KIF1B: variants seen among roughly 807,000 people sequenced by gnomAD.
The protein encoded by KIF1B is kinesin-like protein KIF1B.
KIF1B carries 76 observed loss-of-function variants against 241.9 expected under a neutral mutation model. That is an observed-to-expected ratio of 0.31 (90% confidence interval 0.26 to 0.38). The LOEUF is 0.38. Among genes scored for constraint, KIF1B ranks in the 10% least tolerant of loss-of-function variants. The pLI is 1.00. For synonymous variants in KIF1B, 750 were observed against 796.7 expected, an observed-to-expected ratio of 0.94 and a Z score of 0.99; for missense variants, 1,622 against 2,271.4, an observed-to-expected ratio of 0.71 and a Z score of 5.81.
intron 27 of KIF1B, among the ~76,000 whole-genome samples, chr1:10,332,884 T>C (rs991111725): frequency 1.3e-5 from 2 of 149,988 alleles, no homozygotes; most frequent in African/African-American, 4.9e-5. Context: ...CAATTTTGGC[T>C]CACCACAACC....
intron 15 of KIF1B, among the ~76,000 whole-genome samples, chr1:10,287,669 T>G (rs187122696): frequency 1.4e-4 from 21 of 152,324 alleles, no homozygotes; most frequent in Admixed American, 1.4e-3. Context: ...TGATTTACCC[T>G]TCAGTTGGTA....
intron 15 of KIF1B, among the ~76,000 whole-genome samples, chr1:10,282,972 C>T (rs1261899863): frequency 2.6e-5 from 4 of 151,860 alleles, no homozygotes; most frequent in South Asian, 2.1e-4. Flanking sequence ...TTTGGGAGGC[C>T]GAGGCGGGGT....
chr1:10,337,423 T>G lies in KIF1B; in HGVS notation c.3312T>G (p.Ser1104=). The change falls in exon 31 of 49, where the codon TCT becomes TCG. Residue 1104 remains serine, a synonymous_variant. Coordinates refer to ENST00000676179, the MANE Select transcript of KIF1B (RefSeq NM_001365951.3). The surrounding 1 kb of genome is among the most constrained non-coding windows in gnomAD (Gnocchi z 4.0). ...LDGKMVMEGF[S]EEIGNHLKLG... Reference sequence around the variant, plus strand: ...GTAAGATGGTAATGGAAGGGTTTTCTGAAGAGATTGGCAACCACCTGAAAC... The same window carrying G: ...GTAAGATGGTAATGGAAGGGTTTTCGGAAGAGATTGGCAACCACCTGAAAC... 1.9e-6 allele frequency: 3 copies of G among 1,614,226 alleles called. No individual in the cohort carries two copies. The highest frequency in any genetic ancestry group is 2.5e-6 in the Non-Finnish European group (3 of 1,180,036).
rs535976639 is a variant in KIF1B at position 10,381,208 on chromosome 1, C to T, written c.*4621C>T. On this transcript the variant is annotated 3_prime_UTR_variant, in exon 49 of 49. Coordinates refer to ENST00000676179, the MANE Select transcript of KIF1B (RefSeq NM_001365951.3). ...CTTGTATTTAAGGCATCGTCTTAGA[C>T]TTTGTGGCTCTAAAGTACCTGTCTG... 7 of 220,704 alleles carry T rather than the reference C, an allele frequency of 3.2e-5. No individual in the cohort carries two copies. Among genetic ancestry groups the T allele is most frequent in the Non-Finnish European group, 6.4e-5 (7 of 110,062 alleles). The allele number at this position is 220,704 out of a possible 1,614,324, so 13.7% of individuals were successfully genotyped here.
chr1:10,303,377 C>G lies in KIF1B; in HGVS notation c.2115+6131C>G. 6.2e-7 allele frequency: 1 copy of G among 1,614,182 alleles called. No homozygotes were observed. Among genetic ancestry groups the G allele is most frequent in the Non-Finnish European group, 8.5e-7 (1 of 1,180,034 alleles). On this transcript the variant is annotated intron_variant, in intron 22 of 48. Transcript: ENST00000676179. The surrounding 1 kb of genome is among the most constrained non-coding windows in gnomAD (Gnocchi z 5.2). ...TTGAGTAAAGATTCCAAGTGGGTCA[C>G]AATCTCAGATCTTAAAATTCAGGCT...
chr1:10,275,909 C>CT (rs34424252), intron 11 of KIF1B, among the ~76,000 whole-genome samples: 336 of 141,350 alleles, frequency 2.4e-3, no homozygotes, highest in Non-Finnish European at 4.0e-3. Flanking sequence ...ACTTCTCCTA[C>CT]TTTTTTTTTT....
intron 2 of KIF1B, among the ~76,000 whole-genome samples, chr1:10,253,719 A>C (rs1252295908): frequency 6.6e-6 from 1 of 152,222 alleles, no homozygotes; most frequent in Admixed American, 6.5e-5. Flanking sequence ...CTGTTTTTTA[A>C]ATCTTGCATT....
At chr1:10,370,530 C>CTACA (rs1458778049) in intron 44 of KIF1B, among the ~76,000 whole-genome samples, 3 of 151,664 alleles carry the variant, frequency 2.0e-5, no homozygotes, top group African/African-American at 7.3e-5. Context: ...CACCACTGCA[C>CTACA]TACAGCCTGG....
chr1:10,337,017 G>A lies in KIF1B; in HGVS notation c.3130-57G>A. ...CAGATAAACAGAAGTAAGGCAACTGGGGAAAAATACGTTTTTATACTACTT... is the reference window on the plus strand; with the variant it reads ...CAGATAAACAGAAGTAAGGCAACTGAGGAAAAATACGTTTTTATACTACTT... On this transcript the variant is annotated intron_variant, in intron 29 of 48. Transcript: ENST00000676179. This position sits in a 1 kb window ranked among gnomAD's most constrained non-coding sequence, Gnocchi z 4.0. 4 of 1,610,382 alleles carry A rather than the reference G, an allele frequency of 2.5e-6. No homozygotes were observed. Among genetic ancestry groups the A allele is most frequent in the Admixed American group, 1.7e-5 (1 of 60,000 alleles).
At position 10,253,560 on chromosome 1, in the gene KIF1B, T is replaced by A. The variant is rs181479721; in HGVS notation, c.107-2687T>A. On this transcript the variant is annotated intron_variant, in intron 2 of 48. Coordinates refer to ENST00000676179, the MANE Select transcript of KIF1B (RefSeq NM_001365951.3). ...CCAGAGGCTGAGGTGGGAGGATCAC[T>A]GGAGCCCAGGAGGTTGAGTCTGTAG... Among the ~76,000 whole-genome samples the A allele has an allele frequency of 6.8e-3, 1,039 of 152,212 alleles. 9 individuals are homozygous for A. Among genetic ancestry groups the A allele is most frequent in the Non-Finnish European group, 0.011 (730 of 68,008 alleles).
rs778439251 is a variant in KIF1B, at chr1:10,374,934, G to A, written c.5177G>A (p.Arg1726His). 1.9e-5 allele frequency: 30 copies of A among 1,613,938 alleles called. No individual in the cohort carries two copies. Among genetic ancestry groups the A allele is most frequent in the South Asian group, 4.4e-5 (4 of 91,088 alleles). The change falls in exon 47 of 49, where the codon CGT (arginine) becomes CAT (histidine). Residue 1726 changes from arginine to histidine, a missense_variant. By Grantham distance (29) the Arg-to-His change is conservative (BLOSUM62 0). Transcript: ENST00000676179. This position sits in a 1 kb window ranked among gnomAD's most constrained non-coding sequence, Gnocchi z 4.3. ...SNWAKHFVVV[R>H]RPYVFIYNSD... ...TGGGCTAAACATTTTGTTGTCGTCC[G>A]TCGGCCTTATGTCTTCATCTATAAC...
intron 8 of KIF1B, among the ~76,000 whole-genome samples, chr1:10,272,006 C>G (rs772875099): frequency 3.3e-5 from 5 of 152,190 alleles, no homozygotes; most frequent in Non-Finnish European, 1.5e-5. Flanking sequence ...CTGCACACAT[C>G]TGTAAGCTTT....
chr1:10,375,501 A>C, intron 48 of KIF1B, 128 bp downstream of exon 48: 1 of 765,490 alleles, frequency 1.3e-6, no homozygotes, highest in Non-Finnish European at 2.3e-6. Flanking sequence ...CTCCTGACTC[A>C]GCCTCCCCAG....
chr1:10,334,532 C>G lies in KIF1B; in HGVS notation c.2937C>G (p.Tyr979Ter). ...TTTCTGTCTTTAGGGCATTTGTTTA[C>G]CTGAGCAATCTGCTGTATCCCGTGC... is the stretch of plus-strand genomic sequence containing the variant. ...WFILVGRAFVYLSNLLYPVPL... is the reference protein window; with the variant it reads ...WFILVGRAFV Residue 979 changes from tyrosine (Y) to a stop codon, truncating the protein, a stop_gained, in exon 28 of 49, where the codon TAC becomes TAG. Coordinates refer to ENST00000676179, the MANE Select transcript of KIF1B (RefSeq NM_001365951.3). LOFTEE classifies it high-confidence loss of function. The G allele has an allele frequency of 6.2e-7, 1 of 1,613,446 alleles. No homozygotes were observed.
intron 43 of KIF1B, among the ~76,000 whole-genome samples, chr1:10,367,877 C>T (rs1638620346): frequency 6.6e-6 from 1 of 151,870 alleles, no homozygotes; most frequent in East Asian, 1.9e-4. Flanking sequence ...TACAGGTGCC[C>T]ACCATGACGC....
At chr1:10,274,104 T>C (rs958144968) in intron 10 of KIF1B, among the ~76,000 whole-genome samples, 1 of 151,706 alleles carries the variant, frequency 6.6e-6, no homozygotes, top group African/African-American at 2.4e-5. Flanking sequence ...CCCCGGCTAA[T>C]TTTTTGTATT....
chr1:10,224,205 C>T (rs891684963), intron 1 of KIF1B, among the ~76,000 whole-genome samples: 2 of 152,108 alleles, frequency 1.3e-5, no homozygotes, highest in Non-Finnish European at 2.9e-5. Context: ...CAACCTCCGC[C>T]TCCCGGGTTT....
At chr1:10,274,993 T>G in intron 10 of KIF1B, 2 of 340,888 alleles carry the variant, frequency 5.9e-6, no homozygotes, top group Non-Finnish European at 1.1e-5. Context: ...TTGAATTTGG[T>G]CATTGTTTTC....
intron 1 of KIF1B, among the ~76,000 whole-genome samples, chr1:10,218,728 A>T (rs1646801504): frequency 6.6e-6 from 1 of 152,114 alleles, no homozygotes; most frequent in South Asian, 2.1e-4. Flanking sequence ...GCCGATCTTT[A>T]TGTAACTTTT....
Sources: gnomAD v4.1 joint callset for allele counts (sites outside exome capture counted in the v4.1 genomes callset) on GRCh38, gnomAD v4.1.1 for gene constraint, Gnocchi (gnomAD v3.1) non-coding constraint, MANE v1.5 for transcripts, NCBI Gene and HGNC (gene_info 2026-07-23, HGNC 2026-07-21) for gene names.